The following CDH13 variants were observed in gnomAD, a reference collection of about 807,000 sequenced individuals.
The protein encoded by CDH13 is cadherin-13.
In CDH13, 24 loss-of-function variants were observed where a neutral mutation model predicts 63.8. The ratio of observed to expected loss-of-function variants is 0.38; its 90% CI spans 0.27 to 0.53. The LOEUF (loss-of-function observed/expected upper bound fraction) is 0.53. Among genes scored for constraint, CDH13 ranks in the 20% least tolerant of loss-of-function variants. CDH13 has a pLI of 0.85. For missense variants in CDH13, 1,049 were observed against 903.1 expected (o/e 1.16, Z -2.07); for synonymous variants, 503 against 355.3 (o/e 1.42, Z -4.67).
At chr16:82,687,855 G>A (rs1915238026) in intron 1 of CDH13, among the ~76,000 whole-genome samples, 1 of 152,116 alleles carries the variant, frequency 6.6e-6, no homozygotes, top group African/African-American at 2.4e-5. Flanking sequence ...CTCGGGGGTA[G>A]GAGCAGAGCC....
At chr16:83,185,865 G>T (rs936584645) in intron 4 of CDH13, among the ~76,000 whole-genome samples, 2 of 152,098 alleles carry the variant, frequency 1.3e-5, no homozygotes, top group Admixed American at 6.5e-5. Flanking sequence ...TTTACTGATT[G>T]CCTGCCCATC....
At chr16:83,155,343 C>T (rs2037165534) in intron 4 of CDH13, among the ~76,000 whole-genome samples, 1 of 152,040 alleles carries the variant, frequency 6.6e-6, no homozygotes, top group African/African-American at 2.4e-5. Flanking sequence ...CTTAAATGGC[C>T]CTTAAATTGT....
intron 2 of CDH13, among the ~76,000 whole-genome samples, chr16:83,005,177 C>G (rs1913356176): frequency 6.6e-6 from 1 of 152,174 alleles, no homozygotes; most frequent in South Asian, 2.1e-4. Flanking sequence ...TACAAGAAGA[C>G]ACAATTTCTG....
chr16:83,687,680 T>A (rs1904444044), intron 10 of CDH13, among the ~76,000 whole-genome samples: 1 of 152,180 alleles, frequency 6.6e-6, no homozygotes, highest in African/African-American at 2.4e-5. Flanking sequence ...ATGAAAACAT[T>A]TACATTTGGC....
chr16:83,215,811 T>G (rs1567513299), intron 4 of CDH13, among the ~76,000 whole-genome samples: 1 of 152,254 alleles, frequency 6.6e-6, no homozygotes. Context: ...TTTATCTGTG[T>G]GTCCTGAATG....
At chr16:82,688,833 G>T (rs1182682900) in intron 1 of CDH13, 3 of 152,194 alleles carry the variant, frequency 2.0e-5, no homozygotes, top group Non-Finnish European at 2.9e-5. Flanking sequence ...CAGGCAGATT[G>T]AGAATGGAAA....
intron 2 of CDH13, among the ~76,000 whole-genome samples, chr16:82,962,402 A>G (rs1907156027): frequency 6.6e-6 from 1 of 152,242 alleles, no homozygotes; most frequent in African/African-American, 2.4e-5. Flanking sequence ...CTCCAGAGGT[A>G]TGAGAGAATA....
intron 2 of CDH13, among the ~76,000 whole-genome samples, chr16:83,028,964 C>A (rs1161795159): frequency 6.6e-6 from 1 of 152,168 alleles, no homozygotes; most frequent in Non-Finnish European, 1.5e-5. Context: ...CCTGGCTCAT[C>A]ATTTACAACC....
chr16:83,445,891 G>A (rs994097554), intron 6 of CDH13, among the ~76,000 whole-genome samples: 1 of 152,090 alleles, frequency 6.6e-6, no homozygotes, highest in Non-Finnish European at 1.5e-5. Context: ...AAACCACGCC[G>A]AACAACAGAC....
rs138851812 is a variant in CDH13, at chr16:83,498,643, A to C, written c.960+11988A>C. On this transcript the variant is annotated intron_variant, in intron 7 of 13. Coordinates refer to ENST00000567109, the MANE Select transcript of CDH13 (RefSeq NM_001257.5). The stretch of plus-strand genomic sequence containing the variant: ...AGAGATAGAGACCTCAATGTCACTA[A>C]GATTTAAACCCCTATCAGCCCATCT... 4.9e-3 allele frequency among the ~76,000 whole-genome samples: 746 copies of C among 152,350 alleles called. 2 individuals carry two copies. Among genetic ancestry groups the C allele is most frequent in the Middle Eastern group, 0.02 (6 of 294 alleles).
At chr16:83,423,063 A>G (rs2071764590) in intron 6 of CDH13, among the ~76,000 whole-genome samples, 1 of 152,234 alleles carries the variant, frequency 6.6e-6, no homozygotes, top group African/African-American at 2.4e-5. Flanking sequence ...TCTTCCATTT[A>G]TAATGTAGAT....
rs553173541 is a variant in CDH13 at position 83,570,996 on chromosome 16, G to A, written c.961-31458G>A. 6.2e-3 allele frequency among the ~76,000 whole-genome samples: 839 copies of A among 135,492 alleles called. 8 individuals carry two copies. The highest frequency in any genetic ancestry group is 0.021 in the African/African-American group (796 of 38,104). 88.9% of individuals were successfully genotyped at this position (135,492 alleles called of 152,430 possible). A position where few individuals can be genotyped will look rare whatever the true frequency, so the allele number is the denominator to read the frequency against. On this transcript the variant is annotated intron_variant, in intron 7 of 13. Coordinates refer to ENST00000567109, the MANE Select transcript of CDH13 (RefSeq NM_001257.5). ...AAAAACCTTCTGGCGCCACCCAAGG[G>A]CCAGCACCTCCAGCTAAACATTCAA... is the stretch of plus-strand genomic sequence containing the variant.
At chr16:82,997,455 T>C (rs1344384857) in intron 2 of CDH13, among the ~76,000 whole-genome samples, 2 of 152,200 alleles carry the variant, frequency 1.3e-5, no homozygotes, top group Non-Finnish European at 2.9e-5. Context: ...TTTAATGCAA[T>C]ATTTTATAAA....
chr16:83,637,145 G>A (rs1442653093), intron 8 of CDH13, among the ~76,000 whole-genome samples: 1 of 152,010 alleles, frequency 6.6e-6, no homozygotes, highest in Non-Finnish European at 1.5e-5. Context: ...GAACTCAACA[G>A]CTTTTTATCC....
At chr16:83,389,073 G>T (rs1374583011) in intron 6 of CDH13, among the ~76,000 whole-genome samples, 1 of 152,208 alleles carries the variant, frequency 6.6e-6, no homozygotes, top group Non-Finnish European at 1.5e-5. Flanking sequence ...ATGTGCCCCA[G>T]TGATTCTAAG....
chr16:83,664,495 A>G (rs1011751260), intron 8 of CDH13, among the ~76,000 whole-genome samples: 21 of 149,948 alleles, frequency 1.4e-4, no homozygotes, highest in African/African-American at 4.1e-4. Context: ...TATATATCTT[A>G]TGTATATTTT....
intron 5 of CDH13, among the ~76,000 whole-genome samples, chr16:83,278,943 A>G (rs973738705): frequency 6.6e-6 from 1 of 152,204 alleles, no homozygotes; most frequent in Non-Finnish European, 1.5e-5. Flanking sequence ...CTAAGCCTGG[A>G]TAGAAATACA....
At chr16:83,766,764 A>G (rs1324864790) in intron 11 of CDH13, among the ~76,000 whole-genome samples, 1 of 152,092 alleles carries the variant, frequency 6.6e-6, no homozygotes, top group African/African-American at 2.4e-5. Context: ...CTTAATTGTA[A>G]TCCCCACATG....
chr16:83,529,803 G>A (rs1416412969), intron 7 of CDH13, among the ~76,000 whole-genome samples: 1 of 152,038 alleles, frequency 6.6e-6, no homozygotes, highest in Non-Finnish European at 1.5e-5. Context: ...GAAAATAAAT[G>A]TCAACATATT....
Sources: gnomAD v4.1 joint callset for allele counts (sites outside exome capture counted in the v4.1 genomes callset) on GRCh38, gnomAD v4.1.1 for gene constraint, MANE v1.5 for transcripts, NCBI Gene and HGNC (gene_info 2026-07-23, HGNC 2026-07-21) for gene names.